RAD50: variants seen among roughly 807,000 people sequenced by gnomAD.
The protein encoded by RAD50 is DNA repair protein RAD50.
A neutral mutation model predicts 168.8 loss-of-function variants in RAD50; 132 were observed. The observed-to-expected ratio is 0.78, with a 90% CI of 0.68 to 0.90. The LOEUF (loss-of-function observed/expected upper bound fraction) is 0.90. Among genes scored for constraint, RAD50 ranks in the 40% least tolerant of loss-of-function variants. The probability of loss-of-function intolerance (pLI) is 0.00; values close to 1 mark genes in which losing one functional copy is unlikely to be tolerated. For missense variants in RAD50, 1,347 were observed against 1,534.4 expected, an observed-to-expected ratio of 0.88 and a Z score of 2.04; for synonymous variants, 525 against 497.4, an observed-to-expected ratio of 1.06 and a Z score of -0.74.
At chr5:132,616,179 G>T (rs143829407) in intron 20 of RAD50, 49 bp downstream of exon 20, 8 of 1,557,900 alleles carry the variant, frequency 5.1e-6, no homozygotes, top group Non-Finnish European at 6.2e-6. Flanking sequence ...TTTATTACTG[G>T]AATGTGAAGA....
intron 21 of RAD50, among the ~76,000 whole-genome samples, chr5:132,626,591 C>T (rs1183357568): frequency 6.6e-6 from 1 of 152,158 alleles, no homozygotes; most frequent in Non-Finnish European, 1.5e-5. Flanking sequence ...ATTCTCTATT[C>T]TTTAATAGCA....
intron 21 of RAD50, among the ~76,000 whole-genome samples, chr5:132,625,456 C>T (rs1289544799): frequency 6.6e-6 from 1 of 152,104 alleles, no homozygotes; most frequent in African/African-American, 2.4e-5. Context: ...TTATGTGGTA[C>T]GTGAGATATT....
At chr5:132,640,463 T>TGA (rs1751693866) in intron 23 of RAD50, among the ~76,000 whole-genome samples, 1 of 152,192 alleles carries the variant, frequency 6.6e-6, no homozygotes, top group African/African-American at 2.4e-5. Context: ...TTGTGGTGAA[T>TGA]GATAGGCTGA....
chr5:132,632,181 T>A lies in RAD50; in HGVS notation c.3390-4934T>A, dbSNP rs1307363413. ...GTTGATTAAGCCCTTCCCAAACATA[T>A]GTGATTTTTTTCCTACCTTTGTACT... is the stretch of plus-strand genomic sequence containing the variant. On this transcript the variant is annotated intron_variant, in intron 21 of 24. Coordinates refer to ENST00000378823, the MANE Select transcript of RAD50 (RefSeq NM_005732.4). Among the ~76,000 whole-genome samples, 6 of 152,320 alleles carry A rather than the reference T, an allele frequency of 3.9e-5. No homozygotes were observed. The South Asian group carries it at 1.2e-3, about 32-fold the overall frequency.
At position 132,645,053 on chromosome 5, in the gene RAD50, G is replaced by A. The variant is rs1581027264; in HGVS notation, c.*2689G>A. 1 of 152,096 alleles carries A rather than the reference G, an allele frequency of 6.6e-6. No individual in the cohort carries two copies. Among genetic ancestry groups the A allele is most frequent in the African/African-American group, 2.4e-5 (1 of 41,390 alleles). 9.4% of individuals were successfully genotyped at this position (152,096 alleles called of 1,614,324 possible). Reference sequence around the variant, plus strand: ...CCTCAGCCCCTTTTTGTTTCCTCCAGTGAGAAGATACTCAGTTCTATGGTC... The same window carrying A: ...CCTCAGCCCCTTTTTGTTTCCTCCAATGAGAAGATACTCAGTTCTATGGTC... On this transcript the variant is annotated 3_prime_UTR_variant, in exon 25 of 25. Transcript: ENST00000378823.
chr5:132,578,973 A>G (rs1750450697), intron 3 of RAD50, among the ~76,000 whole-genome samples: 1 of 152,184 alleles, frequency 6.6e-6, no homozygotes, highest in African/African-American at 2.4e-5. Context: ...TCTGCTATTG[A>G]TCATCATGTT....
rs545532800 is a variant in RAD50, at chr5:132,562,017, T to G, written c.213+2650T>G. ...TCTCACAGAGTAATCAGAGTTGTCT[T>G]TTAAATATTCATTCAAGAGGGAATG... On this transcript the variant is annotated intron_variant, in intron 2 of 24. Coordinates refer to ENST00000378823, the MANE Select transcript of RAD50 (RefSeq NM_005732.4). 4.5e-4 allele frequency among the ~76,000 whole-genome samples: 69 copies of G among 152,326 alleles called. 1 individual carries two copies. Among genetic ancestry groups the G allele is most frequent in the Admixed American group, 7.2e-4 (11 of 15,292 alleles).
Position 132,603,951 on chromosome 5 carries a change from C to G in RAD50, c.2429C>G (p.Ala810Gly). The change falls in exon 15 of 25, where the codon GCA (alanine) becomes GGA (glycine). Residue 810 changes from alanine to glycine, a missense_variant. Coordinates refer to ENST00000378823, the MANE Select transcript of RAD50 (RefSeq NM_005732.4). Reference sequence around the variant, plus strand: ...CTTAAAGATGTTGAAAGAAAAATTGCACAACAAGCAGCTAAGCTACAAGGA... The same window carrying G: ...CTTAAAGATGTTGAAAGAAAAATTGGACAACAAGCAGCTAAGCTACAAGGA... ...MELKDVERKI[A>G]QQAAKLQGID... 6.2e-7 allele frequency: 1 copy of G among 1,610,034 alleles called. No homozygotes were observed. The highest frequency in any genetic ancestry group is 8.5e-7 in the Non-Finnish European group (1 of 1,176,502).
At chr5:132,611,390 TCAAA>T (rs199686110) in intron 19 of RAD50, among the ~76,000 whole-genome samples, 3,572 of 147,454 alleles carry the variant, frequency 0.024, 45 homozygotes, top group Non-Finnish European at 0.03. Context: ...AAACTCCGTC[TCAAA>T]CAAACAAACA....
chr5:132,589,801 C>A lies in RAD50; in HGVS notation c.1416C>A (p.Asp472Glu). ...TACAGCAGTTGGAAGGATCTTCAGACAGGATTCTTGAACTGGACCAGGAGC... is the reference window on the plus strand; with the variant it reads ...TACAGCAGTTGGAAGGATCTTCAGAAAGGATTCTTGAACTGGACCAGGAGC... ...YELQQLEGSS[D>E]RILELDQELI... Residue 472 changes from aspartate to glutamate, a missense_variant, in exon 9 of 25, where the codon GAC becomes GAA. Physicochemically the swap from Asp to Glu is conservative, Grantham distance 45. Transcript: ENST00000378823. 1 of 1,613,620 alleles carries A rather than the reference C, an allele frequency of 6.2e-7. No homozygotes were observed. Among genetic ancestry groups the A allele is most frequent in the Non-Finnish European group, 8.5e-7 (1 of 1,179,806 alleles).
intron 21 of RAD50, among the ~76,000 whole-genome samples, chr5:132,623,379 G>T (rs1751316881): frequency 6.6e-6 from 1 of 152,174 alleles, no homozygotes; most frequent in African/African-American, 2.4e-5. Flanking sequence ...CTACTCAGGA[G>T]GCTGAGGCAG....
At chr5:132,589,197 C>CT (rs765524035) in intron 8 of RAD50, among the ~76,000 whole-genome samples, 3 of 152,142 alleles carry the variant, frequency 2.0e-5, no homozygotes, top group Non-Finnish European at 4.4e-5. Flanking sequence ...AAAATACAGT[C>CT]TTGAACCACA....
At chr5:132,568,105 C>G (rs1213474169) in intron 2 of RAD50, among the ~76,000 whole-genome samples, 1 of 151,166 alleles carries the variant, frequency 6.6e-6, no homozygotes, top group Non-Finnish European at 1.5e-5. Flanking sequence ...GAGTCTCACT[C>G]TGTTTCCCAG....
chr5:132,589,321 A>G (rs1241941599), intron 8 of RAD50, among the ~76,000 whole-genome samples: 1 of 152,198 alleles, frequency 6.6e-6, no homozygotes, highest in Non-Finnish European at 1.5e-5. Context: ...AATACTTATC[A>G]TCATGTTACA....
At chr5:132,595,840 T>C in intron 13 of RAD50, 30 bp downstream of exon 13, 1 of 1,546,076 alleles carries the variant, frequency 6.5e-7, no homozygotes, top group Non-Finnish European at 8.9e-7. Context: ...TCACTGTACA[T>C]GTAGCAGCAC....
chr5:132,619,814 TC>T (rs1333969173), intron 21 of RAD50, among the ~76,000 whole-genome samples: 20 of 109,180 alleles, frequency 1.8e-4, no homozygotes, highest in African/African-American at 1.0e-3. Flanking sequence ...CTCTCTCTAC[TC>T]CTCTCTCTCT....
At chr5:132,620,912 A>G (rs570472052) in intron 21 of RAD50, among the ~76,000 whole-genome samples, 1 of 152,124 alleles carries the variant, frequency 6.6e-6, no homozygotes, top group African/African-American at 2.4e-5. Flanking sequence ...GTGGAAATGA[A>G]TCATCATAAA....
Position 132,642,843 on chromosome 5 carries a change from C to A in RAD50, c.*479C>A. The A allele has an allele frequency of 2.8e-6, 1 of 361,236 alleles. No homozygotes were observed. The highest frequency in any genetic ancestry group is 3.6e-5 in the Admixed American group (1 of 27,622). The allele number at this position is 361,236 out of a possible 1,614,324, so 22.4% of individuals were successfully genotyped here. A position where few individuals can be genotyped will look rare whatever the true frequency, so the allele number is the denominator to read the frequency against. The stretch of plus-strand genomic sequence containing the variant: ...CAGAAATGGTGAGATGTATGTTTGG[C>A]TCTGCTTTTAACTTTATAAATCCAG... On this transcript the variant is annotated 3_prime_UTR_variant, in exon 25 of 25. Coordinates refer to ENST00000378823, the MANE Select transcript of RAD50 (RefSeq NM_005732.4).
chr5:132,567,928 A>G (rs754190789), intron 2 of RAD50, among the ~76,000 whole-genome samples: 21 of 152,238 alleles, frequency 1.4e-4, no homozygotes, highest in Non-Finnish European at 2.5e-4. Flanking sequence ...TGGCATCTAC[A>G]ATGTGCAGAA....
Sources: gnomAD v4.1 joint callset for allele counts (sites outside exome capture counted in the v4.1 genomes callset) on GRCh38, gnomAD v4.1.1 for gene constraint, MANE v1.5 for transcripts, NCBI Gene and HGNC (gene_info 2026-07-23, HGNC 2026-07-21) for gene names.